ACOX3: variants seen among roughly 807,000 people sequenced by gnomAD.
The protein encoded by ACOX3 is acyl-CoA oxidase 3, pristanoyl, also known as peroxisomal acyl-coenzyme A oxidase 3.
ACOX3 carries 73 observed loss-of-function variants against 81.5 expected under a neutral mutation model. The observed-to-expected ratio is 0.90, with a 90% CI of 0.74 to 1.09. The LOEUF is 1.09. Among genes scored for constraint, ACOX3 ranks in the 50% least tolerant of loss-of-function variants. The pLI, the probability that ACOX3 is intolerant of heterozygous loss-of-function variation, is 0.00. For synonymous variants in ACOX3, 387 were observed against 375.1 expected (o/e 1.03, Z -0.37); for missense variants, 947 against 928.0 (o/e 1.02, Z -0.27).
the ACOX3 span, chr4:8,357,448 T>C: frequency 2.8e-6 from 1 of 354,188 alleles, no homozygotes; most frequent in South Asian, 2.1e-5. Context: ...TATTTCTCCA[T>C]GTGGAGTTAT....
chr4:8,373,684 A>G (rs1716560163), intron 15 of ACOX3, 56 bp from the exon 16 acceptor site: 16 of 1,523,972 alleles, frequency 1.0e-5, no homozygotes, highest in Non-Finnish European at 1.4e-5. Context: ...ACCACCCCCA[A>G]TACCAACATG....
chr4:8,439,700 A>T (rs1225230992), intron 1 of ACOX3, among the ~76,000 whole-genome samples: 2 of 152,250 alleles, frequency 1.3e-5, no homozygotes, highest in African/African-American at 4.8e-5. Flanking sequence ...TATTTAAAAG[A>T]TAGTTTCCAG....
intron 8 of ACOX3, among the ~76,000 whole-genome samples, chr4:8,397,678 G>A (rs1719871510): frequency 6.6e-6 from 1 of 152,202 alleles, no homozygotes. Flanking sequence ...GCCTGTCCAG[G>A]CTGCGGTGGG....
At chr4:8,397,242 GC>G in intron 8 of ACOX3, 123 bp from the exon 9 acceptor site, 1 of 983,028 alleles carries the variant, frequency 1.0e-6, no homozygotes, top group Non-Finnish European at 1.4e-6. Flanking sequence ...ACCTGCCCAG[GC>G]CCCATCCCCA....
At chr4:8,360,150 GC>G in the ACOX3 span, among the ~76,000 whole-genome samples, 1 of 152,204 alleles carries the variant, frequency 6.6e-6, no homozygotes. Flanking sequence ...CACAATGGTG[GC>G]CCAGGTTCAG....
Position 8,407,414 on chromosome 4 carries a change from C to T in ACOX3, c.688-1371G>A, listed in dbSNP as rs960507292. Among the ~76,000 whole-genome samples the T allele has an allele frequency of 2.6e-5, 4 of 152,332 alleles. No homozygotes were observed. The South Asian group carries it at 8.3e-4, about 32-fold the overall frequency. ...TTGCCGCCCACATGGGGCCACAGGC[C>T]TGGGGCCACCAGGAGCTGAAAGAGA... On this transcript the variant is annotated intron_variant, in intron 6 of 17. Coordinates refer to ENST00000356406, the MANE Select transcript of ACOX3 (RefSeq NM_003501.3). The surrounding 1 kb of genome is among the most constrained non-coding windows in gnomAD (Gnocchi z 4.6).
chr4:8,369,931 A>T (rs1715954625), intron 17 of ACOX3, among the ~76,000 whole-genome samples: 1 of 152,210 alleles, frequency 6.6e-6, no homozygotes, highest in Admixed American at 6.5e-5. Flanking sequence ...CCTCTAGCAG[A>T]AGACAGACAC....
chr4:8,372,868 G>GCAGCACCAGCAC (rs1318261700), intron 16 of ACOX3, among the ~76,000 whole-genome samples: 4 of 152,210 alleles, frequency 2.6e-5, no homozygotes, highest in Non-Finnish European at 5.9e-5. Context: ...GCCCACCGCA[G>GCAGCACCAGCAC]CAGCACCAGC....
chr4:8,387,474 C>T (rs546769136), intron 13 of ACOX3, among the ~76,000 whole-genome samples: 3 of 152,344 alleles, frequency 2.0e-5, no homozygotes, highest in East Asian at 1.9e-4. Context: ...GGACCCCTCT[C>T]GGCCCTTCTC....
intron 1 of ACOX3, among the ~76,000 whole-genome samples, chr4:8,429,191 G>A (rs981983751): frequency 6.6e-6 from 1 of 152,196 alleles, no homozygotes; most frequent in Non-Finnish European, 1.5e-5. Flanking sequence ...TGTTGTACCT[G>A]AGCGAGTTAG....
rs1425629489 is a variant in ACOX3 at position 8,381,358 on chromosome 4, A to G, written c.1653+134T>C. ...AGCTGAGCAAGCAGCAAAGTCATCA[A>G]GTCATCTGCCCAAGGTCACGGGAGC... On this transcript the variant is annotated intron_variant, in intron 14 of 17. Coordinates refer to ENST00000356406, the MANE Select transcript of ACOX3 (RefSeq NM_003501.3). This position sits in a 1 kb window ranked among gnomAD's most constrained non-coding sequence, Gnocchi z 4.3. 2 of 714,466 alleles carry G rather than the reference A, an allele frequency of 2.8e-6. No individual in the cohort carries two copies. The highest frequency in any genetic ancestry group is 2.5e-5 in the East Asian group (1 of 39,468). 44.3% of individuals were successfully genotyped at this position (714,466 alleles called of 1,614,324 possible).
At chr4:8,367,296 A>G (rs1560161992) in intron 17 of ACOX3, among the ~76,000 whole-genome samples, 1 of 152,098 alleles carries the variant, frequency 6.6e-6, no homozygotes. Context: ...CCTGACCAAC[A>G]TGGAGAAACC....
intron 13 of ACOX3, among the ~76,000 whole-genome samples, chr4:8,388,777 G>C (rs1308229131): frequency 1.3e-5 from 2 of 152,230 alleles, no homozygotes; most frequent in Non-Finnish European, 2.9e-5. Flanking sequence ...GCAGGGCCTG[G>C]GAGTGGGGAA....
Position 8,385,636 on chromosome 4 carries a change from C to A in ACOX3, c.1537+3537G>T, listed in dbSNP as rs376000107. 1.1e-4 allele frequency among the ~76,000 whole-genome samples: 16 copies of A among 152,332 alleles called. No individual in the cohort carries two copies. In the East Asian group the frequency reaches 2.7e-3, roughly 26 times the overall value. On this transcript the variant is annotated intron_variant, in intron 13 of 17. Coordinates refer to ENST00000356406, the MANE Select transcript of ACOX3 (RefSeq NM_003501.3). The surrounding 1 kb of genome is among the most constrained non-coding windows in gnomAD (Gnocchi z 5.5). The stretch of plus-strand genomic sequence containing the variant: ...CAGAGGAACTCAACAGAAAACCCAG[C>A]CTCCCCTACCCAAGTCAGAATCGAA...
rs750925875 is a variant in ACOX3 at position 8,415,736 on chromosome 4, G to A, written c.378+30C>T. The A allele has an allele frequency of 2.4e-5, 38 of 1,600,834 alleles. No individual in the cohort carries two copies. The South Asian group carries it at 2.4e-4, about 10-fold the overall frequency. On this transcript the variant is annotated intron_variant, in intron 3 of 17. Coordinates refer to ENST00000356406, the MANE Select transcript of ACOX3 (RefSeq NM_003501.3). The stretch of plus-strand genomic sequence containing the variant: ...CAAGGCTCAGCGCAGCATGAAAGCC[G>A]TTTCCCTCTCCCCTAGGCCGCATGC...
At chr4:8,391,352 C>A (rs1718978835) in intron 11 of ACOX3, among the ~76,000 whole-genome samples, 1 of 152,130 alleles carries the variant, frequency 6.6e-6, no homozygotes, top group Non-Finnish European at 1.5e-5. Flanking sequence ...GGCGGATGAT[C>A]GCTGAAAGTG....
the ACOX3 span, chr4:8,356,478 T>C: frequency 4.5e-6 from 2 of 444,620 alleles, no homozygotes; most frequent in Non-Finnish European, 9.2e-6. Flanking sequence ...TGTACATTCA[T>C]GTTACTTGAC....
chr4:8,361,342 C>T (rs574775371), downstream of ACOX3, among the ~76,000 whole-genome samples: 16 of 134,314 alleles, frequency 1.2e-4, no homozygotes, highest in Middle Eastern at 8.2e-3. Flanking sequence ...AGGACAAAGG[C>T]GTGAACCCAG....
At chr4:8,428,625 C>T (rs1723751896) in intron 1 of ACOX3, 1 of 152,286 alleles carries the variant, frequency 6.6e-6, no homozygotes, top group Admixed American at 6.5e-5. Context: ...CTCTTGCCTT[C>T]TCTGCTTTTA....
Sources: gnomAD v4.1 joint callset for allele counts (sites outside exome capture counted in the v4.1 genomes callset) on GRCh38, gnomAD v4.1.1 for gene constraint, Gnocchi (gnomAD v3.1) non-coding constraint, MANE v1.5 for transcripts, NCBI Gene and HGNC (gene_info 2026-07-23, HGNC 2026-07-21) for gene names.